Variants in FHIT observed in about 807,000 individuals in gnomAD.
The protein encoded by FHIT is fragile histidine triad diadenosine triphosphatase.
FHIT carries 19 observed loss-of-function variants against 17.9 expected under a neutral mutation model. The observed-to-expected ratio is 1.06, with a 90% confidence interval of 0.74 to 1.56. FHIT has a LOEUF of 1.56. Among genes scored for constraint, FHIT ranks in the 40% most tolerant of loss-of-function variants. The pLI is 0.00. For synonymous variants in FHIT, 81 were observed against 69.7 expected, an observed-to-expected ratio of 1.16 and a Z score of -0.81; for missense variants, 248 against 189.2, an observed-to-expected ratio of 1.31 and a Z score of -1.82.
At chr3:60,444,672 A>G (rs191487342) in intron 5 of FHIT, among the ~76,000 whole-genome samples, 1 of 152,124 alleles carries the variant, frequency 6.6e-6, no homozygotes, top group East Asian at 1.9e-4. Context: ...AGGAAAGGGA[A>G]CATCACACAC....
Position 60,991,126 on chromosome 3 carries a change from C to T in FHIT, c.-111+50921G>A, listed in dbSNP as rs1028629717. 1.2e-4 allele frequency among the ~76,000 whole-genome samples: 19 copies of T among 152,154 alleles called. 2 individuals carry two copies. The highest frequency in any genetic ancestry group is 1.2e-3 in the Admixed American group (18 of 15,278). ...GTGGAGGGGCGGTCAGAGAGGGACT[C>T]TCTAGGAAGGTGACATTTAAGCAAC... On this transcript the variant is annotated intron_variant, in intron 3 of 9. Coordinates refer to ENST00000492590, the MANE Select transcript of FHIT (RefSeq NM_002012.4).
chr3:61,250,763 T>G (rs2040603055), intron 1 of FHIT, among the ~76,000 whole-genome samples: 1 of 152,180 alleles, frequency 6.6e-6, no homozygotes, highest in Admixed American at 6.5e-5. Flanking sequence ...CGATGAGTTC[T>G]CCCACAACAA....
chr3:61,222,720 A>C (rs776287105), intron 1 of FHIT, among the ~76,000 whole-genome samples: 1 of 152,194 alleles, frequency 6.6e-6, no homozygotes, highest in Non-Finnish European at 1.5e-5. Flanking sequence ...GGAGGATTAC[A>C]GTACTAGATA....
chr3:59,896,861 G>C (rs188891108), intron 8 of FHIT, among the ~76,000 whole-genome samples: 1 of 152,180 alleles, frequency 6.6e-6, no homozygotes, highest in East Asian at 1.9e-4. Context: ...GGAACATAAC[G>C]CAAGTGTAAT....
chr3:60,248,488 A>T (rs948031189), intron 5 of FHIT, among the ~76,000 whole-genome samples: 1 of 152,262 alleles, frequency 6.6e-6, no homozygotes, highest in Middle Eastern at 3.4e-3. Context: ...GAAAGAGAAC[A>T]AAGGAGAGAA....
chr3:60,862,075 T>C (rs1575612625), intron 3 of FHIT, among the ~76,000 whole-genome samples: 1 of 151,960 alleles, frequency 6.6e-6, no homozygotes, highest in Non-Finnish European at 1.5e-5. Flanking sequence ...ATATCTACCA[T>C]GAGATAAGCA....
At chr3:60,733,943 T>C (rs13314029) in intron 4 of FHIT, among the ~76,000 whole-genome samples, 3,647 of 152,268 alleles carry the variant, frequency 0.024, 162 homozygotes, top group African/African-American at 0.082. Flanking sequence ...AAGTCAAGTC[T>C]CCATAGTTAA....
chr3:60,637,004 G>A (rs1028619487), intron 4 of FHIT, among the ~76,000 whole-genome samples: 1 of 152,134 alleles, frequency 6.6e-6, no homozygotes, highest in Non-Finnish European at 1.5e-5. Flanking sequence ...AAGACAGGTG[G>A]ATCTCCTTGG....
At chr3:60,690,513 G>T (rs1553699328) in intron 4 of FHIT, 4 of 562,066 alleles carry the variant, frequency 7.1e-6, no homozygotes, top group Non-Finnish European at 1.4e-5. Context: ...TGCCATTATG[G>T]CATGTGAAGT....
intron 4 of FHIT, among the ~76,000 whole-genome samples, chr3:60,713,065 A>T (rs1212550826): frequency 2.6e-5 from 4 of 152,356 alleles, no homozygotes; most frequent in African/African-American, 7.2e-5. Context: ...AAGAGAAATT[A>T]TAACAAACTG....
intron 1 of FHIT, among the ~76,000 whole-genome samples, chr3:61,214,781 C>T (rs1403158061): frequency 6.6e-6 from 1 of 152,188 alleles, no homozygotes; most frequent in African/African-American, 2.4e-5. Context: ...AAACCGAATC[C>T]AGCAGCACAT....
At chr3:60,929,872 C>A (rs1707853202) in intron 3 of FHIT, among the ~76,000 whole-genome samples, 1 of 152,172 alleles carries the variant, frequency 6.6e-6, no homozygotes, top group African/African-American at 2.4e-5. Flanking sequence ...CCTTAAAGTT[C>A]ACATGGAACC....
chr3:60,207,911 A>C (rs1429165041), intron 5 of FHIT, among the ~76,000 whole-genome samples: 3 of 152,204 alleles, frequency 2.0e-5, no homozygotes, highest in Non-Finnish European at 4.4e-5. Context: ...GCAATTTGGA[A>C]TGTAATCTCT....
In FHIT at chr3:61,066,904, G is replaced by A. The variant is rs141103851; in HGVS notation, c.-163-24805C>T. Among the ~76,000 whole-genome samples the A allele has an allele frequency of 7.4e-4, 112 of 152,316 alleles. No individual in the cohort carries two copies. The Middle Eastern group carries it at 0.017, about 23-fold the overall frequency. ...ATCAACACCTGGGGTGCTATGTGAG[G>A]AGCTGTGTGGAATGTACCCACAACT... On this transcript the variant is annotated intron_variant, in intron 2 of 9. Coordinates refer to ENST00000492590, the MANE Select transcript of FHIT (RefSeq NM_002012.4).
chr3:59,993,954 C>T (rs1266133346), intron 7 of FHIT, among the ~76,000 whole-genome samples: 1 of 152,000 alleles, frequency 6.6e-6, no homozygotes, highest in Non-Finnish European at 1.5e-5. Flanking sequence ...CTGAGTTATA[C>T]CATATTCTAG....
chr3:61,184,566 G>A (rs2038446870), intron 2 of FHIT, among the ~76,000 whole-genome samples: 1 of 152,128 alleles, frequency 6.6e-6, no homozygotes, highest in Non-Finnish European at 1.5e-5. Context: ...CAAGGAAAAA[G>A]ACCAACTATT....
Position 60,391,414 on chromosome 3 carries a change from C to A in FHIT, c.103+145446G>T, listed in dbSNP as rs75845751. ...TGTTTTTAAACAAATTTAGCATAGCCTAAGTGTATCATGTTTATAAAGTCT... is the reference window on the plus strand; with the variant it reads ...TGTTTTTAAACAAATTTAGCATAGCATAAGTGTATCATGTTTATAAAGTCT... On this transcript the variant is annotated intron_variant, in intron 5 of 9. Transcript: ENST00000492590. 2.6e-3 allele frequency among the ~76,000 whole-genome samples: 397 copies of A among 152,240 alleles called. 1 individual carries two copies. Among genetic ancestry groups the A allele is most frequent in the African/African-American group, 9.2e-3 (381 of 41,536 alleles).
At position 60,186,186 on chromosome 3, in the gene FHIT, G is replaced by A. The variant is rs558273461; in HGVS notation, c.104-172034C>T. On this transcript the variant is annotated intron_variant, in intron 5 of 9. Transcript: ENST00000492590. ...ATTTTTTTCATGCATTATGTTTTTG[G>A]TGGTGTATATACCTACTAACACATT... Among the ~76,000 whole-genome samples, 180 of 151,730 alleles carry A rather than the reference G, an allele frequency of 1.2e-3. 3 individuals carry two copies. The South Asian group carries it at 0.036, about 30-fold the overall frequency.
intron 5 of FHIT, among the ~76,000 whole-genome samples, chr3:60,266,338 G>C (rs1235821454): frequency 6.6e-6 from 1 of 152,028 alleles, no homozygotes; most frequent in Non-Finnish European, 1.5e-5. Context: ...GAAATGTCCA[G>C]AACAGGCCAA....
Sources: gnomAD v4.1 joint callset for allele counts (sites outside exome capture counted in the v4.1 genomes callset) on GRCh38, gnomAD v4.1.1 for gene constraint, MANE v1.5 for transcripts, NCBI Gene and HGNC (gene_info 2026-07-23, HGNC 2026-07-21) for gene names.